Variants in SYT1 observed in about 807,000 individuals in gnomAD.
The protein encoded by SYT1 is synaptotagmin 1.
SYT1 carries 8 observed loss-of-function variants against 44.8 expected under a neutral mutation model. That is an observed-to-expected ratio of 0.18 (90% CI 0.10 to 0.32). The LOEUF is 0.32. Ranked by LOEUF, SYT1 falls within the 10% of genes least tolerant of loss-of-function variation. SYT1 has a pLI of 1.00. For missense variants in SYT1, 286 were observed against 509.3 expected, an observed-to-expected ratio of 0.56 and a Z score of 4.22; for synonymous variants, 154 against 188.8, an observed-to-expected ratio of 0.82 and a Z score of 1.51.
chr12:79,233,658 C>T (rs567996299), intron 4 of SYT1, among the ~76,000 whole-genome samples: 9 of 152,294 alleles, frequency 5.9e-5, no homozygotes, highest in Non-Finnish European at 7.4e-5. Context: ...CTTTCTTTTC[C>T]GGATCTGCTA....
intron 3 of SYT1, among the ~76,000 whole-genome samples, chr12:79,202,474 G>T (rs2138500699): frequency 6.6e-6 from 1 of 152,252 alleles, no homozygotes; most frequent in Middle Eastern, 3.4e-3. Flanking sequence ...AGCGTGACTT[G>T]TTGAAGAAAC....
chr12:79,097,116 A>G (rs1336666519), intron 3 of SYT1, among the ~76,000 whole-genome samples: 1 of 152,006 alleles, frequency 6.6e-6, no homozygotes, highest in Non-Finnish European at 1.5e-5. Context: ...GATTTCAGCT[A>G]CTTACATACT....
intron 1 of SYT1, among the ~76,000 whole-genome samples, chr12:78,895,008 T>C (rs998434147): frequency 4.6e-5 from 7 of 151,744 alleles, no homozygotes; most frequent in African/African-American, 1.7e-4. Flanking sequence ...TCAAAACATA[T>C]TATACAATAT....
intron 2 of SYT1, among the ~76,000 whole-genome samples, chr12:78,989,137 G>A (rs373929179): frequency 4.6e-5 from 7 of 152,054 alleles, no homozygotes; most frequent in African/African-American, 1.7e-4. Flanking sequence ...CAACAGAAAC[G>A]GGTAGGGGAG....
intron 3 of SYT1, among the ~76,000 whole-genome samples, chr12:79,211,130 A>G (rs1048151814): frequency 1.3e-5 from 2 of 152,150 alleles, no homozygotes; most frequent in East Asian, 1.9e-4. Flanking sequence ...TTTGTAATGC[A>G]TCTTTCCAGC....
intron 9 of SYT1, among the ~76,000 whole-genome samples, chr12:79,416,315 C>A (rs1477278853): frequency 6.6e-6 from 1 of 152,126 alleles, no homozygotes; most frequent in African/African-American, 2.4e-5. Flanking sequence ...CTGGAAGTCC[C>A]TTAGGAAATG....
At chr12:79,117,701 AT>A (rs1269877691) in intron 3 of SYT1, among the ~76,000 whole-genome samples, 21 of 120,228 alleles carry the variant, frequency 1.7e-4, no homozygotes, top group African/African-American at 2.8e-4. Flanking sequence ...ATATATATAT[AT>A]ATATATATAT....
chr12:79,040,896 C>T (rs1471732750), intron 2 of SYT1, among the ~76,000 whole-genome samples: 1 of 149,740 alleles, frequency 6.7e-6, no homozygotes, highest in African/African-American at 2.4e-5. Flanking sequence ...TTCCCCATTG[C>T]TTGTTTTTCT....
intron 3 of SYT1, among the ~76,000 whole-genome samples, chr12:79,095,987 A>G (rs968884173): frequency 2.6e-5 from 4 of 151,958 alleles, no homozygotes; most frequent in African/African-American, 9.7e-5. Context: ...CAGGAAGGAT[A>G]GAGTCTTGGC....
At chr12:79,157,249 A>T (rs1870655884) in intron 3 of SYT1, among the ~76,000 whole-genome samples, 1 of 152,318 alleles carries the variant, frequency 6.6e-6, no homozygotes, top group East Asian at 1.9e-4. Context: ...AGTGACCTTT[A>T]AAAGCACCAC....
chr12:79,220,332 A>C (rs149424865), intron 4 of SYT1, among the ~76,000 whole-genome samples: 1 of 151,822 alleles, frequency 6.6e-6, no homozygotes. Context: ...GGCTTGCTAA[A>C]GGTTTGTCAA....
chr12:79,092,303 T>C (rs532092661), intron 3 of SYT1, among the ~76,000 whole-genome samples: 34 of 151,972 alleles, frequency 2.2e-4, no homozygotes, highest in African/African-American at 7.7e-4. Context: ...CTTGGTAATA[T>C]GGCCAATGTT....
At chr12:79,326,894 A>G (rs1200209803) in intron 8 of SYT1, among the ~76,000 whole-genome samples, 1 of 152,358 alleles carries the variant, frequency 6.6e-6, no homozygotes, top group African/African-American at 2.4e-5. Context: ...ACACCTCAGG[A>G]TGACTCAGGG....
intron 3 of SYT1, among the ~76,000 whole-genome samples, chr12:79,088,384 G>A (rs1400377171): frequency 6.6e-6 from 1 of 152,056 alleles, no homozygotes; most frequent in Non-Finnish European, 1.5e-5. Flanking sequence ...CATACAAAAC[G>A]ATACTAGTAA....
intron 10 of SYT1, among the ~76,000 whole-genome samples, chr12:79,445,153 C>A (rs542608678): frequency 6.6e-6 from 1 of 152,016 alleles, no homozygotes. Context: ...ATAACAAATA[C>A]TCTTTATTTA....
intron 9 of SYT1, among the ~76,000 whole-genome samples, chr12:79,384,606 G>A (rs952626926): frequency 6.6e-6 from 1 of 152,130 alleles, no homozygotes; most frequent in Non-Finnish European, 1.5e-5. Flanking sequence ...ACAAAGTTAT[G>A]GCACTGAGAT....
At chr12:79,017,552 A>T (rs1396438691) in intron 2 of SYT1, among the ~76,000 whole-genome samples, 1 of 152,094 alleles carries the variant, frequency 6.6e-6, no homozygotes, top group Non-Finnish European at 1.5e-5. Flanking sequence ...GTTGTGAGCA[A>T]TGTGTGTGAT....
At chr12:79,338,252 AT>A (rs1169102601) in intron 8 of SYT1, among the ~76,000 whole-genome samples, 29 of 147,336 alleles carry the variant, frequency 2.0e-4, no homozygotes, top group Admixed American at 9.5e-4. Context: ...ATGTCAACTA[AT>A]TTTTTTTTCT....
intron 2 of SYT1, among the ~76,000 whole-genome samples, chr12:78,996,466 CTGTTT>C (rs1273870824): frequency 1.6e-4 from 25 of 152,164 alleles, no homozygotes; most frequent in African/African-American, 5.8e-4. Context: ...GGTGTCTGTT[CTGTTT>C]TGTCAGAACT....
Sources: gnomAD v4.1 joint callset for allele counts (sites outside exome capture counted in the v4.1 genomes callset) on GRCh38, gnomAD v4.1.1 for gene constraint, MANE v1.5 for transcripts, NCBI Gene and HGNC (gene_info 2026-07-23, HGNC 2026-07-21) for gene names.